DSCAM: variants seen among roughly 807,000 people sequenced by gnomAD.
DSCAM encodes the protein DS cell adhesion molecule.
DSCAM carries 47 observed loss-of-function variants against 217.7 expected under a neutral mutation model. The ratio of observed to expected loss-of-function variants is 0.22; its 90% CI spans 0.17 to 0.28. The LOEUF (loss-of-function observed/expected upper bound fraction) is 0.28. Ranked by LOEUF, DSCAM falls within the 10% of genes least tolerant of loss-of-function variation. DSCAM has a pLI of 1.00. For missense variants in DSCAM, 2,080 were observed against 2,618.3 expected (o/e 0.79, Z 4.49); for synonymous variants, 1,056 against 1,015.3 (o/e 1.04, Z -0.76).
At chr21:40,338,786 A>T (rs540782422) in intron 7 of DSCAM, among the ~76,000 whole-genome samples, 1 of 152,334 alleles carries the variant, frequency 6.6e-6, no homozygotes, top group East Asian at 1.9e-4. Context: ...CATGAATGTA[A>T]GTTTAATACC....
chr21:40,154,415 C>A (rs922742494), intron 16 of DSCAM, among the ~76,000 whole-genome samples: 1 of 151,950 alleles, frequency 6.6e-6, no homozygotes, highest in African/African-American at 2.4e-5. Context: ...CCATACCCGG[C>A]AAATTTTTGA....
At chr21:40,617,366 C>T (rs2089416513) in intron 3 of DSCAM, among the ~76,000 whole-genome samples, 1 of 152,160 alleles carries the variant, frequency 6.6e-6, no homozygotes, top group Admixed American at 6.5e-5. Flanking sequence ...CCTCGTGATC[C>T]ACCCGCCTCG....
Position 40,399,859 on chromosome 21 carries a change from G to GT in DSCAM, c.509-30615dup, listed in dbSNP as rs1195818778. ...AAAATAATTATATCCATTCCTTTTTGTTTTTTGTCTGATGTAGCAAGTAAA... is the reference window on the plus strand; with the variant it reads ...AAAATAATTATATCCATTCCTTTTTGTTTTTTTGTCTGATGTAGCAAGTAAA... On this transcript the variant is annotated intron_variant, in intron 3 of 32. Coordinates refer to ENST00000400454, the MANE Select transcript of DSCAM (RefSeq NM_001389.5). Among the ~76,000 whole-genome samples the GT allele has an allele frequency of 3.3e-5, 5 of 152,192 alleles. No individual in the cohort carries two copies. In the East Asian group the frequency reaches 7.7e-4, roughly 24 times the overall value.
At chr21:40,531,854 C>T (rs1404069766) in intron 3 of DSCAM, among the ~76,000 whole-genome samples, 1 of 152,198 alleles carries the variant, frequency 6.6e-6, no homozygotes, top group African/African-American at 2.4e-5. Context: ...CATCCAGCAT[C>T]CCACTCAATG....
intron 27 of DSCAM, among the ~76,000 whole-genome samples, chr21:40,072,549 C>A (rs2410211): frequency 2.6e-5 from 4 of 151,160 alleles, no homozygotes; most frequent in East Asian, 2.0e-4. Flanking sequence ...GGGGTTTCAC[C>A]ATGTTAGCCA....
chr21:40,558,107 T>C (rs2076686970), intron 3 of DSCAM, among the ~76,000 whole-genome samples: 1 of 152,206 alleles, frequency 6.6e-6, no homozygotes, highest in Non-Finnish European at 1.5e-5. Flanking sequence ...TTTCCATGTC[T>C]TTCATTAGTC....
chr21:40,529,424 G>C (rs2837677), intron 3 of DSCAM, among the ~76,000 whole-genome samples: 9,156 of 152,184 alleles, frequency 0.06, 425 homozygotes, highest in East Asian at 0.2. Context: ...CTATTAGCTT[G>C]TGTTTATTAG....
intron 3 of DSCAM, among the ~76,000 whole-genome samples, chr21:40,501,354 G>A (rs2076168952): frequency 6.6e-6 from 1 of 152,086 alleles, no homozygotes; most frequent in Non-Finnish European, 1.5e-5. Flanking sequence ...TAGAGGAAAT[G>A]ATGCGTTTCT....
At chr21:40,251,504 A>G in intron 11 of DSCAM, among the ~76,000 whole-genome samples, 1 of 152,070 alleles carries the variant, frequency 6.6e-6, no homozygotes. Context: ...CCTTGTTTTA[A>G]TTTGGGATAG....
chr21:40,384,011 T>G (rs2075054547), intron 3 of DSCAM: 1 of 152,180 alleles, frequency 6.6e-6, no homozygotes, highest in Non-Finnish European at 1.5e-5. Context: ...GAGGGAAAGA[T>G]GAAGCTACTT....
At chr21:40,457,785 TG>T (rs1415485610) in intron 3 of DSCAM, among the ~76,000 whole-genome samples, 1 of 152,178 alleles carries the variant, frequency 6.6e-6, no homozygotes, top group East Asian at 1.9e-4. Flanking sequence ...TATACATTGT[TG>T]TGGTAAGTTT....
At chr21:40,557,348 G>A (rs1442573457) in intron 3 of DSCAM, among the ~76,000 whole-genome samples, 1 of 152,014 alleles carries the variant, frequency 6.6e-6, no homozygotes, top group African/African-American at 2.4e-5. Context: ...TTTGGCTTTT[G>A]TCTCTTGCTT....
chr21:40,164,815 AAAATAAAATG>A (rs2090576815), intron 16 of DSCAM, among the ~76,000 whole-genome samples: 1 of 146,802 alleles, frequency 6.8e-6, no homozygotes, highest in African/African-American at 2.5e-5. Flanking sequence ...ATAAATAAAT[AAAATAAAATG>A]AAATAAAAGT....
intron 25 of DSCAM, 36 bp from the exon 26 acceptor site, chr21:40,079,013 A>G (rs891696267): frequency 6.3e-7 from 1 of 1,597,104 alleles, no homozygotes; most frequent in Non-Finnish European, 8.5e-7. Context: ...AGCTCACAGG[A>G]CACATGGGGA....
At chr21:40,118,478 T>A (rs1442074960) in intron 20 of DSCAM, among the ~76,000 whole-genome samples, 3 of 152,046 alleles carry the variant, frequency 2.0e-5, no homozygotes, top group African/African-American at 7.2e-5. Flanking sequence ...TCCCAGCTAC[T>A]CAGGAGGCTG....
At chr21:40,737,125 A>C (rs1016826772) in intron 1 of DSCAM, among the ~76,000 whole-genome samples, 1 of 152,194 alleles carries the variant, frequency 6.6e-6, no homozygotes, top group African/African-American at 2.4e-5. Flanking sequence ...ATTTTCCTTT[A>C]TTCTAATTTC....
chr21:40,791,280 A>T (rs183110362), intron 1 of DSCAM, among the ~76,000 whole-genome samples: 2 of 152,042 alleles, frequency 1.3e-5, no homozygotes, highest in Non-Finnish European at 2.9e-5. Flanking sequence ...CTATCTTCCA[A>T]GAAGCTCTAA....
intron 3 of DSCAM, among the ~76,000 whole-genome samples, chr21:40,556,990 T>C (rs1601741992): frequency 6.6e-6 from 1 of 150,910 alleles, no homozygotes; most frequent in East Asian, 2.0e-4. Flanking sequence ...GTGGGAGAGG[T>C]GGAGAAGGTG....
intron 11 of DSCAM, among the ~76,000 whole-genome samples, chr21:40,236,999 C>T (rs947734045): frequency 5.3e-5 from 8 of 152,184 alleles, no homozygotes; most frequent in Non-Finnish European, 1.0e-4. Context: ...CACATCCCAG[C>T]GCTAGCTCTT....
Sources: allele counts gnomAD v4.1 joint callset (sites outside exome capture counted in the v4.1 genomes callset), GRCh38; gene constraint gnomAD v4.1.1; transcripts MANE v1.5; gene names NCBI Gene and HGNC (gene_info 2026-07-23, HGNC 2026-07-21).